DPP10: variants seen among roughly 807,000 people sequenced by gnomAD.
DPP10 encodes the protein inactive dipeptidyl peptidase 10.
In DPP10, 33 loss-of-function variants were observed where a neutral mutation model predicts 120.9. That is an observed-to-expected ratio of 0.27 (90% CI 0.21 to 0.37). DPP10 has a LOEUF of 0.37. Among genes scored for constraint, DPP10 ranks in the 10% least tolerant of loss-of-function variants. The pLI, the probability that DPP10 is intolerant of heterozygous loss-of-function variation, is 1.00. For synonymous variants in DPP10, 337 were observed against 326.1 expected (o/e 1.03, Z -0.36); for missense variants, 816 against 942.8 (o/e 0.87, Z 1.76).
In DPP10 at chr2:115,840,837, T is replaced by G; in HGVS notation, c.2256+14T>G. Reference sequence around the variant, plus strand: ...TATACTATGCAGGTAAGCTACTTTCTTAGAAGAACGTGTTTTCCTGCTGTG... The same window carrying G: ...TATACTATGCAGGTAAGCTACTTTCGTAGAAGAACGTGTTTTCCTGCTGTG... On this transcript the variant is annotated intron_variant, in intron 25 of 25. Transcript: ENST00000410059. 6.2e-7 allele frequency: 1 copy of G among 1,605,940 alleles called. No homozygotes were observed. The highest frequency in any genetic ancestry group is 2.2e-5 in the East Asian group (1 of 44,528).
At chr2:115,529,610 C>A (rs192638005) in intron 5 of DPP10, among the ~76,000 whole-genome samples, 4 of 152,034 alleles carry the variant, frequency 2.6e-5, no homozygotes, top group Non-Finnish European at 5.9e-5. Flanking sequence ...TTATGCAAAT[C>A]TGATACAGTT....
chr2:114,780,588 C>A (rs1231233572), intron 1 of DPP10, among the ~76,000 whole-genome samples: 4 of 152,032 alleles, frequency 2.6e-5, no homozygotes, highest in African/African-American at 9.7e-5. Flanking sequence ...GCTATTATTA[C>A]AATAACACAC....
At chr2:114,929,876 G>A (rs543328958) in intron 1 of DPP10, among the ~76,000 whole-genome samples, 1 of 152,234 alleles carries the variant, frequency 6.6e-6, no homozygotes, top group Non-Finnish European at 1.5e-5. Context: ...CTGCAGTAAC[G>A]ACAGGCATAA....
intron 1 of DPP10, among the ~76,000 whole-genome samples, chr2:115,266,048 A>T (rs2059448154): frequency 6.6e-6 from 1 of 152,170 alleles, no homozygotes; most frequent in Non-Finnish European, 1.5e-5. Flanking sequence ...CTTGAATTTC[A>T]TATTAGTGTT....
At chr2:115,499,635 A>C in intron 4 of DPP10, 31 bp downstream of exon 4, 3 of 1,524,340 alleles carry the variant, frequency 2.0e-6, no homozygotes. Context: ...TACTTTATGC[A>C]TTTCAGTACT....
At chr2:115,731,413 C>G (rs1427274729) in intron 8 of DPP10, among the ~76,000 whole-genome samples, 1 of 150,386 alleles carries the variant, frequency 6.6e-6, no homozygotes, top group Non-Finnish European at 1.5e-5. Flanking sequence ...TGTGTTCCCC[C>G]CTACTCTGGA....
chr2:114,593,460 T>C (rs974371613), intron 1 of DPP10, among the ~76,000 whole-genome samples: 1 of 152,156 alleles, frequency 6.6e-6, no homozygotes, highest in Admixed American at 6.5e-5. Flanking sequence ...TTGAGGTAAA[T>C]GCACTAACGC....
intron 17 of DPP10, among the ~76,000 whole-genome samples, chr2:115,784,936 C>A (rs781430484): frequency 6.6e-6 from 1 of 152,118 alleles, no homozygotes; most frequent in African/African-American, 2.4e-5. Context: ...TAGAAAAAGA[C>A]ATTATAAATA....
intron 1 of DPP10, among the ~76,000 whole-genome samples, chr2:114,618,010 G>A (rs1396356720): frequency 2.0e-5 from 3 of 152,024 alleles, no homozygotes; most frequent in Non-Finnish European, 2.9e-5. Context: ...AATACAGAAT[G>A]GAAGAAAACA....
intron 1 of DPP10, among the ~76,000 whole-genome samples, chr2:114,795,451 A>G (rs1246103428): frequency 1.3e-5 from 2 of 151,862 alleles, no homozygotes; most frequent in Non-Finnish European, 2.9e-5. Flanking sequence ...AGATTGTGCC[A>G]TTGCACTCCA....
At chr2:115,060,350 T>TACAGGCCTC (rs1471644702) in intron 1 of DPP10, among the ~76,000 whole-genome samples, 9 of 152,232 alleles carry the variant, frequency 5.9e-5, no homozygotes. Context: ...TCTAGCAATT[T>TACAGGCCTC]GGGCGGCCGA....
intron 3 of DPP10, among the ~76,000 whole-genome samples, chr2:115,456,439 AC>A (rs2073551223): frequency 6.6e-6 from 1 of 152,172 alleles, no homozygotes; most frequent in South Asian, 2.1e-4. Flanking sequence ...ATACCATTTG[AC>A]CCAGCAATCC....
chr2:114,876,249 C>T lies in DPP10; in HGVS notation c.61-432990C>T, dbSNP rs78439153. ...ATGAATTGACAAGAGATAGTGAAAA[C>T]GATATTTATAATGGCATCACCAGCA... On this transcript the variant is annotated intron_variant, in intron 1 of 25. Transcript: ENST00000410059. 1.7e-3 allele frequency among the ~76,000 whole-genome samples: 256 copies of T among 152,066 alleles called. 11 individuals carry two copies. In the East Asian group the frequency reaches 0.037, roughly 22 times the overall value.
intron 7 of DPP10, among the ~76,000 whole-genome samples, chr2:115,711,537 T>C (rs570283269): frequency 2.5e-4 from 38 of 152,264 alleles, no homozygotes; most frequent in African/African-American, 8.4e-4. Context: ...ATGGAGTCCA[T>C]TGAAATGACC....
chr2:114,845,478 T>A (rs1688472932), intron 1 of DPP10, among the ~76,000 whole-genome samples: 1 of 152,132 alleles, frequency 6.6e-6, no homozygotes, highest in South Asian at 2.1e-4. Context: ...ACAAGTACCC[T>A]CTCGCCAATC....
chr2:115,436,775 G>C (rs2104826560), intron 3 of DPP10, among the ~76,000 whole-genome samples: 1 of 151,866 alleles, frequency 6.6e-6, no homozygotes, highest in South Asian at 2.1e-4. Flanking sequence ...TTCTTTTTCT[G>C]GTTCTTTAAG....
intron 5 of DPP10, among the ~76,000 whole-genome samples, chr2:115,649,584 A>T (rs1338721837): frequency 2.0e-5 from 3 of 152,214 alleles, no homozygotes; most frequent in African/African-American, 4.8e-5. Context: ...TTTCAGACTA[A>T]TTTAAAAATA....
chr2:114,535,130 C>T (rs1335976038), intron 1 of DPP10, among the ~76,000 whole-genome samples: 1 of 151,018 alleles, frequency 6.6e-6, no homozygotes, highest in African/African-American at 2.4e-5. Context: ...TAGTGGGTTT[C>T]ATGGGGAAAC....
At chr2:115,478,469 A>G (rs1052385574) in intron 3 of DPP10, among the ~76,000 whole-genome samples, 2 of 152,206 alleles carry the variant, frequency 1.3e-5, no homozygotes, top group African/African-American at 4.8e-5. Flanking sequence ...AGAAAGCAGG[A>G]CAAAAGCCTC....
Sources: gnomAD v4.1 joint callset for allele counts (sites outside exome capture counted in the v4.1 genomes callset) on GRCh38, gnomAD v4.1.1 for gene constraint, MANE v1.5 for transcripts, NCBI Gene and HGNC (gene_info 2026-07-23, HGNC 2026-07-21) for gene names.